The following FLRT2 variants were observed in gnomAD, a reference collection of about 807,000 sequenced individuals.
The protein encoded by FLRT2 is fibronectin leucine rich transmembrane protein 2.
Under a neutral mutation model 40.0 loss-of-function variants are expected in FLRT2, and 15 were observed. The observed-to-expected ratio is 0.38, with a 90% CI of 0.25 to 0.58. The LOEUF (loss-of-function observed/expected upper bound fraction) is 0.58. Among genes scored for constraint, FLRT2 ranks in the 20% least tolerant of loss-of-function variants. The pLI is 0.71. For synonymous variants in FLRT2, 380 were observed against 336.8 expected (o/e 1.13, Z -1.41); for missense variants, 726 against 840.0 (o/e 0.86, Z 1.68).
intron 1 of FLRT2, among the ~76,000 whole-genome samples, chr14:85,533,846 T>A (rs2139795915): frequency 6.6e-6 from 1 of 151,764 alleles, no homozygotes; most frequent in Admixed American, 6.6e-5. Context: ...GCCCCGACGC[T>A]GCGGGCGACA....
intron 1 of FLRT2, among the ~76,000 whole-genome samples, chr14:85,564,669 T>C (rs571488391): frequency 1.3e-5 from 2 of 152,338 alleles, no homozygotes; most frequent in African/African-American, 4.8e-5. Flanking sequence ...CTGTGTCTTT[T>C]GAAGACGTGG....
chr14:85,602,661 G>A (rs1892429521), intron 1 of FLRT2, among the ~76,000 whole-genome samples: 1 of 152,108 alleles, frequency 6.6e-6, no homozygotes, highest in Admixed American at 6.6e-5. Flanking sequence ...TTTAGGAACT[G>A]CACCTTCACA....
At chr14:85,553,493 C>T (rs1889767830) in intron 1 of FLRT2, among the ~76,000 whole-genome samples, 2 of 152,144 alleles carry the variant, frequency 1.3e-5, no homozygotes, top group South Asian at 4.1e-4. Context: ...CACAAAAATT[C>T]TTATGTTTTA....
intron 1 of FLRT2, among the ~76,000 whole-genome samples, chr14:85,603,193 C>T (rs1566750508): frequency 6.6e-6 from 1 of 152,118 alleles, no homozygotes; most frequent in Non-Finnish European, 1.5e-5. Flanking sequence ...AGGACTTTAA[C>T]TGATTTATTT....
chr14:85,548,687 T>G (rs1365846248), intron 1 of FLRT2, among the ~76,000 whole-genome samples: 1 of 152,204 alleles, frequency 6.6e-6, no homozygotes, highest in Non-Finnish European at 1.5e-5. Flanking sequence ...ATTGTATTCT[T>G]TTTAAAAAGG....
chr14:85,561,144 G>A lies in FLRT2; in HGVS notation c.-377+30610G>A, dbSNP rs762895310. On this transcript the variant is annotated intron_variant, in intron 1 of 1. Coordinates refer to ENST00000330753, the MANE Select transcript of FLRT2 (RefSeq NM_013231.6). Reference sequence around the variant, plus strand: ...AATACATTCTGTACAACATGTTTGTGTTGCACAACCCCGTGATTTGAATAT... The same window carrying A: ...AATACATTCTGTACAACATGTTTGTATTGCACAACCCCGTGATTTGAATAT... The A allele has an allele frequency of 3.3e-5, 5 of 152,044 alleles. No individual in the cohort carries two copies. In the South Asian group the frequency reaches 1.0e-3, roughly 31 times the overall value. The allele number at this position is 152,044 out of a possible 1,614,324, so 9.4% of individuals were successfully genotyped here. A position where few individuals can be genotyped will look rare whatever the true frequency, so the allele number is the denominator to read the frequency against.
At chr14:85,571,219 C>T (rs907592992) in intron 1 of FLRT2, among the ~76,000 whole-genome samples, 3 of 152,214 alleles carry the variant, frequency 2.0e-5, no homozygotes, top group African/African-American at 7.2e-5. Flanking sequence ...AGAATCCCAT[C>T]ATGTTAACTT....
In FLRT2 at chr14:85,648,196, G is replaced by C. The variant is rs771819824; in HGVS notation, c.*24699G>C. The C allele has an allele frequency of 1.3e-5, 2 of 152,054 alleles. No homozygotes were observed. The highest frequency in any genetic ancestry group is 2.9e-5 in the Non-Finnish European group (2 of 68,018). 9.4% of individuals were successfully genotyped at this position (152,054 alleles called of 1,614,324 possible). A position where few individuals can be genotyped will look rare whatever the true frequency, so the allele number is the denominator to read the frequency against. On this transcript the variant is annotated 3_prime_UTR_variant, in exon 2 of 2. Transcript: ENST00000330753. Reference sequence around the variant, plus strand: ...CATAAGGAATAGTTACTGTATGTTAGGCAGGTGCATGTTGTTATTGCTACT... The same window carrying C: ...CATAAGGAATAGTTACTGTATGTTACGCAGGTGCATGTTGTTATTGCTACT...
chr14:85,543,527 T>TA (rs35979389), intron 1 of FLRT2, among the ~76,000 whole-genome samples: 42,043 of 146,522 alleles, frequency 0.29, 6,538 homozygotes, highest in Middle Eastern at 0.43. Context: ...ATTAATTTTC[T>TA]AAAAAAAAAA....
rs1180433539 is a variant in FLRT2 at position 85,622,531 on chromosome 14, C to T, written c.1017C>T (p.Cys339=). 2.5e-6 allele frequency: 4 copies of T among 1,613,980 alleles called. No homozygotes were observed. The highest frequency in any genetic ancestry group is 1.1e-5 in the South Asian group (1 of 91,084). The change falls in exon 2 of 2, where the codon TGC becomes TGT. Residue 339 remains cysteine, a synonymous_variant. Transcript: ENST00000330753. ...PSSLNVRGFM[C]QGPEQVRGMA... is the part of the protein sequence containing the mutation. ...CTCTCAACGTGCGGGGTTTCATGTG[C>T]CAAGGTCCTGAACAAGTCCGGGGGA...
chr14:85,548,435 A>C (rs1889406526), intron 1 of FLRT2, among the ~76,000 whole-genome samples: 1 of 152,178 alleles, frequency 6.6e-6, no homozygotes, highest in African/African-American at 2.4e-5. Context: ...TATATTTTTA[A>C]AACCTGTACT....
chr14:85,587,944 T>A (rs1173545601), intron 1 of FLRT2, among the ~76,000 whole-genome samples: 1 of 152,106 alleles, frequency 6.6e-6, no homozygotes, highest in Non-Finnish European at 1.5e-5. Flanking sequence ...TGTTTGTTTT[T>A]TTTTTGAGAT....
intron 1 of FLRT2, among the ~76,000 whole-genome samples, chr14:85,585,666 A>G (rs907301080): frequency 3.3e-5 from 5 of 152,108 alleles, no homozygotes; most frequent in Non-Finnish European, 7.3e-5. Flanking sequence ...AGGGTTGTTG[A>G]TACTGTAAAA....
chr14:85,603,112 T>G (rs1174356214), intron 1 of FLRT2, among the ~76,000 whole-genome samples: 1 of 152,220 alleles, frequency 6.6e-6, no homozygotes, highest in Non-Finnish European at 1.5e-5. Flanking sequence ...TTGGCATTTA[T>G]GACCATCTGC....
chr14:85,571,140 T>C (rs2139861306), intron 1 of FLRT2, among the ~76,000 whole-genome samples: 1 of 152,270 alleles, frequency 6.6e-6, no homozygotes, highest in East Asian at 1.9e-4. Flanking sequence ...ATGGTTTCAA[T>C]GGATATACTT....
intron 1 of FLRT2, among the ~76,000 whole-genome samples, chr14:85,538,929 C>T (rs1020281494): frequency 6.6e-6 from 1 of 152,094 alleles, no homozygotes; most frequent in South Asian, 2.1e-4. Context: ...ATGATTTCCT[C>T]TCCCACTTTG....
At position 85,652,511 on chromosome 14, in the gene FLRT2, G is replaced by C. The variant is rs1369763827; in HGVS notation, c.*29014G>C. 6.8e-6 allele frequency: 1 copy of C among 147,036 alleles called. No homozygotes were observed. Among genetic ancestry groups the C allele is most frequent in the Non-Finnish European group, 1.5e-5 (1 of 67,078 alleles). 9.1% of individuals were successfully genotyped at this position (147,036 alleles called of 1,614,324 possible). On this transcript the variant is annotated 3_prime_UTR_variant, in exon 2 of 2. Transcript: ENST00000330753. ...TTTTTTCTTATAACGTTCTTCATCT[G>C]ATTAAACAAACAAAAAACCCATCTT...
chr14:85,538,482 A>G (rs1888801292), intron 1 of FLRT2, among the ~76,000 whole-genome samples: 1 of 152,076 alleles, frequency 6.6e-6, no homozygotes. Context: ...TTCCCAGGTT[A>G]CTTTTAAGGG....
chr14:85,586,647 C>T (rs145815157), intron 1 of FLRT2, among the ~76,000 whole-genome samples: 85 of 151,944 alleles, frequency 5.6e-4, no homozygotes, highest in Admixed American at 2.1e-3. Flanking sequence ...ATTGAAAATA[C>T]GGTATTTTGA....
Sources: allele counts gnomAD v4.1 joint callset (sites outside exome capture counted in the v4.1 genomes callset), GRCh38; gene constraint gnomAD v4.1.1; transcripts MANE v1.5; gene names NCBI Gene and HGNC (gene_info 2026-07-23, HGNC 2026-07-21).